Variants in ATAD2B observed in about 807,000 individuals in gnomAD.
ATAD2B encodes the protein ATPase family AAA domain containing 2B, also known as ATPase family AAA domain-containing protein 2B.
Under a neutral mutation model 167.6 loss-of-function variants are expected in ATAD2B, and 40 were observed. The ratio of observed to expected loss-of-function variants is 0.24; its 90% CI spans 0.19 to 0.31. ATAD2B has a LOEUF of 0.31. ATAD2B is among the 10% of genes least tolerant of loss of function. ATAD2B has a pLI of 1.00. For missense variants in ATAD2B, 1,242 were observed against 1,757.2 expected (o/e 0.71, Z 5.24); for synonymous variants, 579 against 596.5 (o/e 0.97, Z 0.43).
the ATAD2B span, among the ~76,000 whole-genome samples, chr2:23,721,952 T>C: frequency 6.6e-6 from 1 of 152,258 alleles, no homozygotes; most frequent in East Asian, 1.9e-4. Context: ...ACAAACTCTC[T>C]TGGCCTAGGC....
At position 23,919,279 on chromosome 2, in the gene ATAD2B, C is replaced by T. The variant is rs1703543436; in HGVS notation, c.216+7276G>A. Among the ~76,000 whole-genome samples the T allele has an allele frequency of 4.6e-5, 7 of 152,174 alleles. No individual in the cohort carries two copies. In the South Asian group the frequency reaches 1.2e-3, roughly 27 times the overall value. ...ACTCAAAAAGTATTAACTGGCCAGGCGCAGTGGCTGTAATCCCAGCACTTT... is the reference window on the plus strand; with the variant it reads ...ACTCAAAAAGTATTAACTGGCCAGGTGCAGTGGCTGTAATCCCAGCACTTT... On this transcript the variant is annotated intron_variant, in intron 1 of 27. Coordinates refer to ENST00000238789, the MANE Select transcript of ATAD2B (RefSeq NM_017552.4).
the ATAD2B span, among the ~76,000 whole-genome samples, chr2:23,681,137 C>T: frequency 1.3e-5 from 2 of 152,262 alleles, no homozygotes; most frequent in East Asian, 1.9e-4. This position sits in a 1 kb window ranked among gnomAD's most constrained non-coding sequence, Gnocchi z 4.2. Flanking sequence ...GCCTAAGCTC[C>T]TGCTTCGCCG....
intron 1 of ATAD2B, among the ~76,000 whole-genome samples, chr2:23,925,467 C>T (rs1704600423): frequency 1.3e-5 from 2 of 152,170 alleles, no homozygotes; most frequent in African/African-American, 4.8e-5. Flanking sequence ...TAAAATATTG[C>T]TTTCCCCCAA....
At chr2:23,760,713 C>CATATACACACACACACACACAT in intron 24 of ATAD2B, among the ~76,000 whole-genome samples, 1 of 141,358 alleles carries the variant, frequency 7.1e-6, no homozygotes, top group Non-Finnish European at 1.5e-5. Flanking sequence ...CACACACACA[C>CATATACACACACACACACACAT]ACACACACAC....
chr2:23,878,041 C>CAAAAAAAAAAAA (rs1463015844), intron 7 of ATAD2B, among the ~76,000 whole-genome samples: 271 of 69,958 alleles, frequency 3.9e-3, no homozygotes, highest in Non-Finnish European at 4.5e-3. Context: ...AAAAAAAAAG[C>CAAAAAAAAAAAA]AAAATGTATA....
intron 12 of ATAD2B, among the ~76,000 whole-genome samples, chr2:23,857,947 G>A (rs2675365): frequency 0.038 from 5,806 of 151,554 alleles, 103 homozygotes; most frequent in South Asian, 0.046. Flanking sequence ...GTTTCACCAC[G>A]TTAGTCAGGA....
intron 13 of ATAD2B, among the ~76,000 whole-genome samples, chr2:23,855,288 A>G (rs1693216859): frequency 1.3e-5 from 2 of 152,202 alleles, no homozygotes; most frequent in Non-Finnish European, 1.5e-5. Context: ...CAGACATTTC[A>G]CAAATGAAAA....
the ATAD2B span, among the ~76,000 whole-genome samples, chr2:23,720,102 G>T: frequency 2.0e-5 from 3 of 152,178 alleles, no homozygotes; most frequent in Non-Finnish European, 4.4e-5. Flanking sequence ...CAGTGACCTA[G>T]CAGCAAAAAA....
chr2:23,862,555 C>T (rs1194983371), intron 12 of ATAD2B, among the ~76,000 whole-genome samples: 2 of 151,896 alleles, frequency 1.3e-5, no homozygotes, highest in Admixed American at 6.6e-5. Flanking sequence ...GGATTACAGG[C>T]GTCAGCCACT....
chr2:23,892,534 C>T (rs1471390692), intron 2 of ATAD2B, among the ~76,000 whole-genome samples: 1 of 149,602 alleles, frequency 6.7e-6, no homozygotes, highest in Non-Finnish European at 1.5e-5. Context: ...TGCAGTGGTA[C>T]GATCTCAGCT....
chr2:23,691,224 G>T, the ATAD2B span: 1 of 220,924 alleles, frequency 4.5e-6, no homozygotes. Context: ...TCTCTGGATT[G>T]GCTGGCATCA....
chr2:23,723,711 C>A, the ATAD2B span, among the ~76,000 whole-genome samples: 1 of 152,134 alleles, frequency 6.6e-6, no homozygotes, highest in South Asian at 2.1e-4. Flanking sequence ...TATGGAGGGT[C>A]TTCACAAAAC....
intron 10 of ATAD2B, among the ~76,000 whole-genome samples, chr2:23,865,267 A>G (rs956744173): frequency 6.6e-6 from 1 of 152,116 alleles, no homozygotes; most frequent in African/African-American, 2.4e-5. Context: ...AGTGGCTCAC[A>G]CTTGTAATCC....
chr2:23,869,906 G>A, intron 8 of ATAD2B, 145 bp from the exon 9 acceptor site: 1 of 566,416 alleles, frequency 1.8e-6, no homozygotes, highest in Non-Finnish European at 3.0e-6. Flanking sequence ...TTTACATGAA[G>A]TATAAAGGTA....
the ATAD2B span, among the ~76,000 whole-genome samples, chr2:23,718,369 G>A: frequency 1.3e-5 from 2 of 152,176 alleles, no homozygotes; most frequent in African/African-American, 4.8e-5. Flanking sequence ...TATTCCTAAG[G>A]GTTCTTGTCT....
intron 1 of ATAD2B, among the ~76,000 whole-genome samples, chr2:23,913,162 C>CTGTT (rs1229465586): frequency 1.3e-5 from 2 of 152,216 alleles, no homozygotes; most frequent in African/African-American, 4.8e-5. Context: ...CCCCAGCACA[C>CTGTT]AATAAACATT....
the ATAD2B span, among the ~76,000 whole-genome samples, chr2:23,734,233 T>G: frequency 2.0e-5 from 3 of 152,192 alleles, no homozygotes; most frequent in African/African-American, 7.2e-5. Flanking sequence ...CTCAGCTCAC[T>G]GCAACCTCCA....
the ATAD2B span, among the ~76,000 whole-genome samples, chr2:23,694,362 C>T: frequency 6.6e-6 from 1 of 152,194 alleles, no homozygotes; most frequent in Non-Finnish European, 1.5e-5. Flanking sequence ...TTCCCTCTCC[C>T]CATCGAGACC....
At chr2:23,729,489 ATTTCTGCTTTCTGCAGCCCT>A in the ATAD2B span, among the ~76,000 whole-genome samples, 1 of 152,058 alleles carries the variant, frequency 6.6e-6, no homozygotes, top group Non-Finnish European at 1.5e-5. Context: ...CTTTTGTTCC[ATTTCTGCTTTCTGCAGCCCT>A]TTTCTGCTTG....
Sources: allele counts gnomAD v4.1 joint callset (sites outside exome capture counted in the v4.1 genomes callset), GRCh38; gene constraint gnomAD v4.1.1; non-coding constraint Gnocchi (gnomAD v3.1); transcripts MANE v1.5; gene names NCBI Gene and HGNC (gene_info 2026-07-23, HGNC 2026-07-21).